The following TUB variants were observed in gnomAD, a reference collection of about 807,000 sequenced individuals.
The protein encoded by TUB is tubby protein homolog.
Under a neutral mutation model 59.7 loss-of-function variants are expected in TUB, and 33 were observed. That is an observed-to-expected ratio of 0.55 (90% CI 0.42 to 0.74). The LOEUF (loss-of-function observed/expected upper bound fraction) is 0.74, where lower values mean the gene tolerates loss of function less well. TUB is among the 30% of genes least tolerant of loss of function. The pLI, the probability that TUB is intolerant of heterozygous loss-of-function variation, is 0.00. For synonymous variants in TUB, 293 were observed against 256.4 expected (o/e 1.14, Z -1.36); for missense variants, 659 against 672.0 (o/e 0.98, Z 0.21).
chr11:8,095,678 G>A lies in TUB; in HGVS notation c.565+13G>A, dbSNP rs1298500367. 1.9e-6 allele frequency: 3 copies of A among 1,581,278 alleles called. No individual in the cohort carries two copies. Reference sequence around the variant, plus strand: ...ATGCAGAGGAAGGGTGAGCCCCATGGGGACCCAGTGATACCCCCAAAACTC... The same window carrying A: ...ATGCAGAGGAAGGGTGAGCCCCATGAGGACCCAGTGATACCCCCAAAACTC... On this transcript the variant is annotated intron_variant, in intron 5 of 11. Transcript: ENST00000299506.
chr11:8,041,630 A>G (rs755001216), intron 2 of TUB, among the ~76,000 whole-genome samples: 88 of 152,094 alleles, frequency 5.8e-4, no homozygotes, highest in Middle Eastern at 3.4e-3. Context: ...TGCCTCCCAT[A>G]TCTCCACCAT....
chr11:8,021,903 G>A (rs1325289053), intron 1 of TUB, among the ~76,000 whole-genome samples: 6 of 142,780 alleles, frequency 4.2e-5, no homozygotes, highest in Non-Finnish European at 7.6e-5. Flanking sequence ...GCAACAGAGC[G>A]AGACTCCAGC....
At chr11:8,093,547 C>A (rs182811266) in intron 3 of TUB, among the ~76,000 whole-genome samples, 1 of 152,136 alleles carries the variant, frequency 6.6e-6, no homozygotes, top group African/African-American at 2.4e-5. Flanking sequence ...CTTCTTGTGT[C>A]CCAGAGTTGT....
Position 8,104,977 on chromosome 11 carries a change from C to CTTAAATAAACTTAGCATTT in TUB, c.*3359_*3377dup, listed in dbSNP as rs572603374. The CTTAAATAAACTTAGCATTT allele has an allele frequency of 0.013, 1,932 of 144,528 alleles. 49 individuals are homozygous for CTTAAATAAACTTAGCATTT. Among genetic ancestry groups the CTTAAATAAACTTAGCATTT allele is most frequent in the African/African-American group, 0.047 (1,846 of 39,590 alleles). 9.0% of individuals were successfully genotyped at this position (144,528 alleles called of 1,614,324 possible). On this transcript the variant is annotated 3_prime_UTR_variant, in exon 12 of 12. Transcript: ENST00000299506. ...TCTGAAAATAGCAGGACATTTACCT[C>CTTAAATAAACTTAGCATTT]TTAAATAAACTTAGCATTTAGAGGT...
intron 2 of TUB, among the ~76,000 whole-genome samples, chr11:8,043,247 A>T (rs2133738031): frequency 1.3e-5 from 2 of 152,278 alleles, no homozygotes; most frequent in Middle Eastern, 6.8e-3. Flanking sequence ...CTGTAAATGT[A>T]AGTTTATTTC....
At chr11:8,088,504 A>G (rs1943710462) in intron 1 of TUB, among the ~76,000 whole-genome samples, 1 of 152,234 alleles carries the variant, frequency 6.6e-6, no homozygotes, top group African/African-American at 2.4e-5. Flanking sequence ...ATGTGCACAC[A>G]CATGAGATAT....
At position 8,101,678 on chromosome 11, in the gene TUB, G is replaced by A; in HGVS notation, c.*59G>A. On this transcript the variant is annotated 3_prime_UTR_variant, in exon 12 of 12. Transcript: ENST00000299506. The stretch of plus-strand genomic sequence containing the variant: ...TGGAGCGGAGCTTGCCTGCCTGCCT[G>A]TGGAGACAGCCCTGCCTATCCTCTG... 6.3e-7 allele frequency: 1 copy of A among 1,593,202 alleles called. No homozygotes were observed. Among genetic ancestry groups the A allele is most frequent in the Non-Finnish European group, 8.5e-7 (1 of 1,170,262 alleles).
chr11:8,019,492 G>C, intron 1 of TUB: 2 of 866,372 alleles, frequency 2.3e-6, no homozygotes, highest in Non-Finnish European at 3.0e-6. Context: ...CCGGACCCTC[G>C]GGCATCCGGG....
intron 2 of TUB, among the ~76,000 whole-genome samples, chr11:8,070,506 G>C (rs574875399): frequency 4.6e-5 from 7 of 152,132 alleles, no homozygotes; most frequent in African/African-American, 1.7e-4. Context: ...TGATTCTGGG[G>C]GTTTTCTTGT....
rs772621454 is a variant in TUB at position 8,105,822 on chromosome 11, G to A, written c.*4203G>A. On this transcript the variant is annotated 3_prime_UTR_variant, in exon 12 of 12. Transcript: ENST00000299506. ...CCCTCCCTCCCCCTAGCAAGGTCCA[G>A]GCAAAGCTGGAGATGAGGCTGAGAT... 2 of 152,144 alleles carry A rather than the reference G, an allele frequency of 1.3e-5. No individual in the cohort carries two copies. The highest frequency in any genetic ancestry group is 2.9e-5 in the Non-Finnish European group (2 of 68,016). 9.4% of individuals were successfully genotyped at this position (152,144 alleles called of 1,614,324 possible).
At chr11:8,051,035 A>G (rs561760660) in intron 2 of TUB, among the ~76,000 whole-genome samples, 1 of 152,304 alleles carries the variant, frequency 6.6e-6, no homozygotes, top group East Asian at 1.9e-4. Context: ...AACCGTCAGG[A>G]GGGGAGCCCG....
chr11:8,100,363 G>T (rs1186262210), intron 9 of TUB, 140 bp from the exon 10 acceptor site: 1 of 688,124 alleles, frequency 1.5e-6, no homozygotes, highest in Non-Finnish European at 2.6e-6. Context: ...TTCTGGCCGT[G>T]TTAGGTTTAG....
chr11:8,039,379 AC>A, intron 1 of TUB: 2 of 425,272 alleles, frequency 4.7e-6, no homozygotes, highest in South Asian at 6.0e-5. Flanking sequence ...CTGTCTCCCC[AC>A]CCCCCAGTGC....
intron 2 of TUB, among the ~76,000 whole-genome samples, chr11:8,067,043 C>A (rs1019700308): frequency 6.6e-6 from 1 of 152,224 alleles, no homozygotes. Flanking sequence ...CCGCTCCAGG[C>A]AGCTCCACTC....
At chr11:8,093,251 G>A (rs932738100) in intron 3 of TUB, among the ~76,000 whole-genome samples, 4 of 151,990 alleles carry the variant, frequency 2.6e-5, no homozygotes, top group Non-Finnish European at 4.4e-5. Context: ...TGAGGGGGGC[G>A]AGGGGGAGGG....
rs550832752 is a variant in TUB, at chr11:8,102,975, T to C, written c.*1356T>C. The C allele has an allele frequency of 1.3e-5, 2 of 152,260 alleles. No homozygotes were observed. Among genetic ancestry groups the C allele is most frequent in the African/African-American group, 4.8e-5 (2 of 41,538 alleles). The allele number at this position is 152,260 out of a possible 1,614,324, so 9.4% of individuals were successfully genotyped here. A position where few individuals can be genotyped will look rare whatever the true frequency, so the allele number is the denominator to read the frequency against. On this transcript the variant is annotated 3_prime_UTR_variant, in exon 12 of 12. Transcript: ENST00000299506. ...ATTCAGAGACTTAGAAGCATCAGAG[T>C]TGATAAATTAGATTGAAACCATTCC... is the stretch of plus-strand genomic sequence containing the variant.
chr11:8,049,604 T>TACAC lies in TUB; in HGVS notation c.203+9920_203+9923dup, dbSNP rs533161880. Among the ~76,000 whole-genome samples, 464 of 146,594 alleles carry TACAC rather than the reference T, an allele frequency of 3.2e-3. 11 individuals carry two copies. The highest frequency in any genetic ancestry group is 0.011 in the African/African-American group (438 of 39,288). On this transcript the variant is annotated intron_variant, in intron 2 of 12. Coordinates refer to the TUB transcript ENST00000305253. ...ATAGATAGATAGATAGATAGATAGA[T>TACAC]ACACACACACATACATATAAAATAA...
At chr11:8,044,766 G>T (rs1290552350) in intron 2 of TUB, among the ~76,000 whole-genome samples, 1 of 152,228 alleles carries the variant, frequency 6.6e-6, no homozygotes, top group Non-Finnish European at 1.5e-5. Context: ...TAAATTGGGG[G>T]TTCCTAGGAC....
intron 1 of TUB, among the ~76,000 whole-genome samples, chr11:8,083,282 G>A (rs1314440814): frequency 1.3e-5 from 2 of 152,210 alleles, no homozygotes; most frequent in Non-Finnish European, 2.9e-5. Context: ...GGACCGAGGA[G>A]GGTGGGAGGG....
Sources: allele counts gnomAD v4.1 joint callset (sites outside exome capture counted in the v4.1 genomes callset), GRCh38; gene constraint gnomAD v4.1.1; transcripts MANE v1.5; gene names NCBI Gene and HGNC (gene_info 2026-07-23, HGNC 2026-07-21).